The following TENM3 variants were observed in gnomAD, a reference collection of about 807,000 sequenced individuals.
TENM3 encodes teneurin transmembrane protein 3.
Under a neutral mutation model 255.1 loss-of-function variants are expected in TENM3, and 63 were observed. The observed-to-expected ratio is 0.25, with a 90% CI of 0.20 to 0.30. The LOEUF is 0.30. Among genes scored for constraint, TENM3 ranks in the 10% least tolerant of loss-of-function variants. The pLI, the probability that TENM3 is intolerant of heterozygous loss-of-function variation, is 1.00. For missense variants in TENM3, 2,929 were observed against 3,461.1 expected (o/e 0.85, Z 3.86); for synonymous variants, 1,306 against 1,322.3 (o/e 0.99, Z 0.27).
the TENM3 span, among the ~76,000 whole-genome samples, chr4:181,585,227 T>A: frequency 5.6e-3 from 857 of 152,282 alleles, 11 homozygotes; most frequent in African/African-American, 0.019. Flanking sequence ...ACCGATTTTT[T>A]AAAAATCATT....
the TENM3 span, among the ~76,000 whole-genome samples, chr4:182,001,851 G>A: frequency 6.6e-6 from 1 of 151,956 alleles, no homozygotes; most frequent in South Asian, 2.1e-4. Flanking sequence ...AGAGACCTAA[G>A]GTATTTCTAA....
chr4:182,502,240 T>C (rs1036296910), intron 3 of TENM3, among the ~76,000 whole-genome samples: 3 of 152,180 alleles, frequency 2.0e-5, no homozygotes, highest in African/African-American at 7.2e-5. Context: ...ATGGCGACTT[T>C]GTTCCAGGAG....
chr4:182,227,171 A>G (rs751675790), intron 1 of TENM3, among the ~76,000 whole-genome samples: 2 of 152,034 alleles, frequency 1.3e-5, no homozygotes, highest in Non-Finnish European at 2.9e-5. Flanking sequence ...CAAGTTTCAC[A>G]CTCTGTATTT....
At chr4:182,057,053 C>T in the TENM3 span, among the ~76,000 whole-genome samples, 4 of 151,318 alleles carry the variant, frequency 2.6e-5, no homozygotes, top group East Asian at 7.8e-4. Context: ...CCAGTGATAG[C>T]CATCGTTGTC....
chr4:181,544,775 A>G, the TENM3 span, among the ~76,000 whole-genome samples: 1 of 152,198 alleles, frequency 6.6e-6, no homozygotes, highest in Admixed American at 6.5e-5. Context: ...TAAACTATGG[A>G]CCACATGTAG....
At chr4:182,228,322 C>T (rs1205525935) in intron 1 of TENM3, among the ~76,000 whole-genome samples, 1 of 131,240 alleles carries the variant, frequency 7.6e-6, no homozygotes, top group East Asian at 2.0e-4. Context: ...CTCATAACAT[C>T]ATGTTATATA....
the TENM3 span, among the ~76,000 whole-genome samples, chr4:181,967,093 G>T: frequency 2.6e-5 from 4 of 151,940 alleles, no homozygotes; most frequent in Admixed American, 1.3e-4. Flanking sequence ...TGCATGAAAG[G>T]GTTCCTTCCA....
intron 3 of TENM3, among the ~76,000 whole-genome samples, chr4:182,516,780 A>G (rs1305341521): frequency 2.0e-5 from 3 of 152,114 alleles, no homozygotes; most frequent in Non-Finnish European, 2.9e-5. Flanking sequence ...AGTCCCAACT[A>G]CATGGGAGGC....
the TENM3 span, among the ~76,000 whole-genome samples, chr4:182,104,885 A>T: frequency 6.6e-6 from 1 of 151,950 alleles, no homozygotes; most frequent in South Asian, 2.1e-4. Context: ...CTCATTGAAA[A>T]CAGTGGGATT....
chr4:182,188,241 C>T (rs1240610122), intron 1 of TENM3, among the ~76,000 whole-genome samples: 1 of 152,000 alleles, frequency 6.6e-6, no homozygotes, highest in African/African-American at 2.4e-5. Context: ...CATTCTAACC[C>T]AGAATTTATC....
chr4:181,703,239 G>A, the TENM3 span, among the ~76,000 whole-genome samples: 926 of 152,302 alleles, frequency 6.1e-3, 6 homozygotes, highest in Middle Eastern at 0.014. Context: ...GGTTTCAGAT[G>A]TGGGAGTCGT....
chr4:182,452,404 G>T (rs2151327478), intron 3 of TENM3, among the ~76,000 whole-genome samples: 1 of 152,252 alleles, frequency 6.6e-6, no homozygotes, highest in African/African-American at 2.4e-5. Context: ...AGTAGTTGTG[G>T]CCAAATGGTT....
At chr4:182,578,083 TCTC>T (rs1486393783) in intron 3 of TENM3, among the ~76,000 whole-genome samples, 1 of 152,012 alleles carries the variant, frequency 6.6e-6, no homozygotes, top group East Asian at 1.9e-4. Context: ...TTCAAGCAAT[TCTC>T]CTGCATCAGC....
the TENM3 span, among the ~76,000 whole-genome samples, chr4:181,711,060 A>G: frequency 6.6e-6 from 1 of 152,118 alleles, no homozygotes; most frequent in Admixed American, 6.5e-5. Context: ...GGTAGGGTAG[A>G]ACAATATAAA....
intron 3 of TENM3, among the ~76,000 whole-genome samples, chr4:182,429,526 T>C (rs1240196785): frequency 2.0e-5 from 3 of 152,242 alleles, no homozygotes; most frequent in African/African-American, 7.2e-5. Flanking sequence ...GATCCAATAT[T>C]AGTTTTTTAC....
chr4:181,883,410 T>A, the TENM3 span, among the ~76,000 whole-genome samples: 1 of 152,184 alleles, frequency 6.6e-6, no homozygotes, highest in African/African-American at 2.4e-5. Flanking sequence ...GATCCAGGTA[T>A]TTTTATGTTG....
chr4:181,700,063 T>G, the TENM3 span, among the ~76,000 whole-genome samples: 1 of 152,282 alleles, frequency 6.6e-6, no homozygotes. Context: ...GTTCCATCAT[T>G]CACATTCAGA....
chr4:181,765,135 G>C, the TENM3 span, among the ~76,000 whole-genome samples: 1 of 152,168 alleles, frequency 6.6e-6, no homozygotes, highest in South Asian at 2.1e-4. Flanking sequence ...GATTCAGAAA[G>C]ATGTACCTGA....
chr4:181,982,867 A>AACTT, the TENM3 span, among the ~76,000 whole-genome samples: 3 of 152,164 alleles, frequency 2.0e-5, no homozygotes, highest in African/African-American at 7.2e-5. Context: ...ACCAGAAATA[A>AACTT]ACTTAGAGTC....
Sources: gnomAD v4.1 joint callset for allele counts (sites outside exome capture counted in the v4.1 genomes callset) on GRCh38, gnomAD v4.1.1 for gene constraint, MANE v1.5 for transcripts, NCBI Gene and HGNC (gene_info 2026-07-23, HGNC 2026-07-21) for gene names.